The following PTK2B variants were observed in gnomAD, a reference collection of about 807,000 sequenced individuals.
The protein encoded by PTK2B is protein tyrosine kinase 2 beta, also known as protein-tyrosine kinase 2-beta.
PTK2B carries 71 observed loss-of-function variants against 142.9 expected under a neutral mutation model. That is an observed-to-expected ratio of 0.50 (90% CI 0.41 to 0.61). The LOEUF (loss-of-function observed/expected upper bound fraction) is 0.61. Ranked by LOEUF, PTK2B falls within the 20% of genes least tolerant of loss-of-function variation. PTK2B has a pLI of 0.00. For synonymous variants in PTK2B, 519 were observed against 503.4 expected (o/e 1.03, Z -0.42); for missense variants, 1,105 against 1,320.4 (o/e 0.84, Z 2.53).
chr8:27,324,977 T>C (rs113275429), upstream of PTK2B, among the ~76,000 whole-genome samples: 2,430 of 152,308 alleles, frequency 0.016, 69 homozygotes, highest in African/African-American at 0.055. Context: ...TGTGCTGTCC[T>C]CAGACCCTAC....
chr8:27,317,314 A>G (rs983473754), intron 3 of PTK2B, among the ~76,000 whole-genome samples: 1 of 152,238 alleles, frequency 6.6e-6, no homozygotes, highest in African/African-American at 2.4e-5. Context: ...GAATCATGTG[A>G]TGAAGGTGAT....
intron 27 of PTK2B, 66 bp from the exon 28 acceptor site, chr8:27,453,048 G>A: frequency 6.4e-7 from 1 of 1,570,836 alleles, no homozygotes; most frequent in Non-Finnish European, 8.8e-7. Flanking sequence ...TTTGATGTCA[G>A]CAGGTACGAA....
Position 27,454,667 on chromosome 8 carries a change from G to A in PTK2B, c.2814+56G>A, listed in dbSNP as rs1269656218. 4 of 1,571,752 alleles carry A rather than the reference G, an allele frequency of 2.5e-6. No homozygotes were observed. The African/African-American group carries it at 4.1e-5, about 16-fold the overall frequency. On this transcript the variant is annotated intron_variant, in intron 30 of 30. Coordinates refer to ENST00000346049, the MANE Select transcript of PTK2B (RefSeq NM_173176.3). ...GCTGTTGCTTTGCTCCTGCTTATGA[G>A]CCTCATTAGAGGCTCATGATGGCTG...
intron 1 of PTK2B, among the ~76,000 whole-genome samples, chr8:27,328,120 C>A (rs1038067321): frequency 6.6e-6 from 1 of 152,160 alleles, no homozygotes; most frequent in African/African-American, 2.4e-5. Flanking sequence ...CCCATATGAC[C>A]TGCTTCAAGG....
chr8:27,321,045 C>T (rs764262457), upstream of PTK2B, among the ~76,000 whole-genome samples: 19 of 118,176 alleles, frequency 1.6e-4, no homozygotes, highest in African/African-American at 2.0e-4. Flanking sequence ...AAGCTAAATT[C>T]ATCCACTGGT....
chr8:27,385,089 G>C (rs1047729548), intron 1 of PTK2B, among the ~76,000 whole-genome samples: 9 of 152,176 alleles, frequency 5.9e-5, no homozygotes, highest in African/African-American at 1.9e-4. Context: ...TGGCCTTTGG[G>C]AAGTTACTCT....
chr8:27,442,615 G>A (rs952395977), intron 21 of PTK2B, among the ~76,000 whole-genome samples: 1 of 152,190 alleles, frequency 6.6e-6, no homozygotes, highest in Admixed American at 6.5e-5. Flanking sequence ...TGTTTGGGCT[G>A]GGACTGGCTC....
rs754099245 is a variant in PTK2B at position 27,458,715 on chromosome 8, A to T, written c.*206A>T. 3.3e-6 allele frequency: 2 copies of T among 602,572 alleles called. No individual in the cohort carries two copies. Among genetic ancestry groups the T allele is most frequent in the Non-Finnish European group, 5.9e-6 (2 of 341,606 alleles). The allele number at this position is 602,572 out of a possible 1,614,324, so 37.3% of individuals were successfully genotyped here. A position where few individuals can be genotyped will look rare whatever the true frequency, so the allele number is the denominator to read the frequency against. Reference sequence around the variant, plus strand: ...GGACAGAGGGGACTCTGGGCTATGGACACAGGGTGACGGTGACAAAGATGG... The same window carrying T: ...GGACAGAGGGGACTCTGGGCTATGGTCACAGGGTGACGGTGACAAAGATGG... On this transcript the variant is annotated 3_prime_UTR_variant, in exon 31 of 31. Coordinates refer to ENST00000346049, the MANE Select transcript of PTK2B (RefSeq NM_173176.3).
chr8:27,342,886 C>T (rs1804493263), intron 1 of PTK2B, among the ~76,000 whole-genome samples: 2 of 152,260 alleles, frequency 1.3e-5, no homozygotes, highest in Non-Finnish European at 1.5e-5. Flanking sequence ...GTGAGAAGGG[C>T]CTGAGAAACA....
intron 1 of PTK2B, among the ~76,000 whole-genome samples, chr8:27,326,357 G>A (rs549637362): frequency 2.7e-4 from 41 of 152,230 alleles, no homozygotes; most frequent in South Asian, 1.0e-3. Flanking sequence ...GTCAGGCTGC[G>A]CGTGGGCACC....
chr8:27,394,949 C>T (rs568955383), intron 1 of PTK2B, among the ~76,000 whole-genome samples: 6 of 152,170 alleles, frequency 3.9e-5, no homozygotes, highest in Admixed American at 3.3e-4. Flanking sequence ...CTCCACATCT[C>T]GTCCCACTGG....
chr8:27,431,249 G>A (rs1810399853), intron 8 of PTK2B, 149 bp from the exon 9 acceptor site: 1 of 1,524,408 alleles, frequency 6.6e-7, no homozygotes, highest in Non-Finnish European at 8.8e-7. Context: ...TGTCAGGAGG[G>A]GAAGATCCAT....
intron 30 of PTK2B, among the ~76,000 whole-genome samples, chr8:27,455,111 TG>T (rs1313005905): frequency 6.6e-6 from 1 of 152,126 alleles, no homozygotes; most frequent in Non-Finnish European, 1.5e-5. Context: ...TCCTAAGCCC[TG>T]GCACCTGAAA....
At chr8:27,314,601 G>A (rs1349761052) in intron 3 of PTK2B, among the ~76,000 whole-genome samples, 2 of 152,180 alleles carry the variant, frequency 1.3e-5, no homozygotes, top group Admixed American at 6.5e-5. Flanking sequence ...CATTTACATA[G>A]GGCGTACCCC....
At chr8:27,417,437 T>C (rs1380948629) in intron 2 of PTK2B, among the ~76,000 whole-genome samples, 2 of 149,026 alleles carry the variant, frequency 1.3e-5, no homozygotes, top group East Asian at 2.0e-4. Flanking sequence ...CGGGAGGTAG[T>C]GGGGCCATGA....
rs1586241416 is a variant in PTK2B, at chr8:27,400,996, G to T, written c.204+3208G>T. Among the ~76,000 whole-genome samples, 4 of 135,072 alleles carry T rather than the reference G, an allele frequency of 3.0e-5. No homozygotes were observed. In the South Asian group the frequency reaches 9.6e-4, roughly 32 times the overall value. The allele number at this position is 135,072 out of a possible 152,430, so 88.6% of individuals were successfully genotyped here. A position where few individuals can be genotyped will look rare whatever the true frequency, so the allele number is the denominator to read the frequency against. On this transcript the variant is annotated intron_variant, in intron 2 of 30. Transcript: ENST00000346049. ...CCCCATCTCTACCAAAAAATTAGCT[G>T]GGTATGGTGGTGTGCACCTGTAATC...
chr8:27,453,620 C>T (rs1215183389), intron 28 of PTK2B, among the ~76,000 whole-genome samples: 1 of 152,224 alleles, frequency 6.6e-6, no homozygotes, highest in African/African-American at 2.4e-5. Flanking sequence ...TGGCTCACAC[C>T]TGTAATCCCA....
At chr8:27,437,638 A>T in intron 17 of PTK2B, 127 bp from the exon 18 acceptor site, 4 of 1,228,060 alleles carry the variant, frequency 3.3e-6, no homozygotes, top group Non-Finnish European at 2.3e-6. Flanking sequence ...TTGCTGGAAC[A>T]TTTTGCCAGC....
chr8:27,396,954 T>C (rs1055129825), intron 1 of PTK2B, among the ~76,000 whole-genome samples: 2 of 152,190 alleles, frequency 1.3e-5, no homozygotes, highest in African/African-American at 4.8e-5. Flanking sequence ...GATGAGCTCC[T>C]GTCAGACGGA....
Sources: gnomAD v4.1 joint callset for allele counts (sites outside exome capture counted in the v4.1 genomes callset) on GRCh38, gnomAD v4.1.1 for gene constraint, MANE v1.5 for transcripts, NCBI Gene and HGNC (gene_info 2026-07-23, HGNC 2026-07-21) for gene names.